The following FARP2 variants were observed in gnomAD, a reference collection of about 807,000 sequenced individuals.
FARP2 encodes the protein FERM, ARH/RhoGEF and pleckstrin domain protein 2.
Under a neutral mutation model 130.5 loss-of-function variants are expected in FARP2, and 111 were observed. The observed-to-expected ratio is 0.85, with a 90% CI of 0.73 to 1.00. The LOEUF is 1.00. FARP2 is among the 50% of genes least tolerant of loss of function. The pLI is 0.00. For synonymous variants in FARP2, 504 were observed against 516.9 expected, an observed-to-expected ratio of 0.98 and a Z score of 0.34; for missense variants, 1,385 against 1,346.3, an observed-to-expected ratio of 1.03 and a Z score of -0.45.
chr2:241,493,202 G>C (rs1318995588), intron 25 of FARP2, 91 bp from the exon 26 acceptor site: 8 of 1,445,866 alleles, frequency 5.5e-6, no homozygotes, highest in Non-Finnish European at 7.7e-6. Flanking sequence ...GTGGGCATTT[G>C]TACGTGCCAC....
At chr2:241,443,095 TA>T in intron 13 of FARP2, 1 of 253,902 alleles carries the variant, frequency 3.9e-6, no homozygotes, top group South Asian at 4.4e-5. Context: ...TCTGAGACCC[TA>T]AGGCCCCCGT....
intron 2 of FARP2, among the ~76,000 whole-genome samples, chr2:241,393,211 G>A (rs1209127546): frequency 6.6e-6 from 1 of 151,876 alleles, no homozygotes; most frequent in South Asian, 2.1e-4. Context: ...GTAGAGACAG[G>A]GTTTCACCTT....
chr2:241,415,937 T>C (rs1420330265), intron 7 of FARP2, among the ~76,000 whole-genome samples: 2 of 151,982 alleles, frequency 1.3e-5, no homozygotes, highest in African/African-American at 4.8e-5. Context: ...TGGGCACTTA[T>C]GTCGAGAAGC....
chr2:241,382,445 G>A (rs1269678063), intron 2 of FARP2, among the ~76,000 whole-genome samples: 3 of 151,776 alleles, frequency 2.0e-5, no homozygotes, highest in African/African-American at 4.8e-5. Flanking sequence ...CACCATGCCC[G>A]GCTAATTTTG....
intron 13 of FARP2, chr2:241,442,346 C>A: frequency 2.2e-6 from 1 of 456,730 alleles, no homozygotes; most frequent in Non-Finnish European, 4.4e-6. Flanking sequence ...TACCCACCCA[C>A]GACGGCCGAG....
At chr2:241,417,647 A>C (rs879059231) in intron 7 of FARP2, among the ~76,000 whole-genome samples, 2 of 152,192 alleles carry the variant, frequency 1.3e-5, no homozygotes, top group African/African-American at 4.8e-5. Flanking sequence ...TTCTGATTAA[A>C]ATTTGTCTCT....
intron 2 of FARP2, among the ~76,000 whole-genome samples, chr2:241,387,998 C>T (rs2061828296): frequency 6.6e-6 from 1 of 152,112 alleles, no homozygotes; most frequent in Non-Finnish European, 1.5e-5. Context: ...GCAATACTCT[C>T]AAACTGCTCT....
At chr2:241,452,821 G>A (rs1023688928) in intron 13 of FARP2, among the ~76,000 whole-genome samples, 5 of 151,406 alleles carry the variant, frequency 3.3e-5, no homozygotes, top group Admixed American at 1.3e-4. Flanking sequence ...GGCATGTGTA[G>A]TCCCAGCTAC....
rs1367170118 is a variant in FARP2 at position 241,463,416 on chromosome 2, T to C, written c.1759T>C (p.Tyr587His). The C allele has an allele frequency of 6.2e-7, 1 of 1,614,132 alleles. No individual in the cohort carries two copies. The highest frequency in any genetic ancestry group is 1.1e-5 in the South Asian group (1 of 91,084). ...TLLFSNIDPI[Y>H]EFHRGFLREV... ...GCTCTTCTCCAACATCGATCCCATCTATGAGTTCCACAGAGGCTTCCTGCG... is the reference window on the plus strand; with the variant it reads ...GCTCTTCTCCAACATCGATCCCATCCATGAGTTCCACAGAGGCTTCCTGCG... The change falls in exon 16 of 27, where the codon TAT becomes CAT. Residue 587 changes from tyrosine to histidine, a missense_variant. Tyr to His is a moderately conservative substitution (Grantham distance 83). Coordinates refer to ENST00000264042, the MANE Select transcript of FARP2 (RefSeq NM_014808.4).
At chr2:241,466,084 A>G in intron 17 of FARP2, 1 of 1,119,496 alleles carries the variant, frequency 8.9e-7, no homozygotes, top group Non-Finnish European at 1.1e-6. Context: ...ATTTGATATT[A>G]AAACCCTTTA....
intron 2 of FARP2, among the ~76,000 whole-genome samples, chr2:241,391,708 G>A (rs2061908918): frequency 6.6e-6 from 1 of 152,180 alleles, no homozygotes; most frequent in Admixed American, 6.5e-5. Context: ...GTCGTGCAGA[G>A]CTTCTGCTAC....
At chr2:241,464,043 G>C in intron 17 of FARP2, 63 bp downstream of exon 17, 1 of 1,379,926 alleles carries the variant, frequency 7.2e-7, no homozygotes, top group Non-Finnish European at 1.0e-6. Flanking sequence ...CCATCTTCCC[G>C]AAGCTGAGGC....
intron 1 of FARP2, among the ~76,000 whole-genome samples, chr2:241,367,146 C>T (rs1262309410): frequency 6.6e-6 from 1 of 152,096 alleles, no homozygotes; most frequent in East Asian, 1.9e-4. Context: ...CCTGAAGCGC[C>T]TGCTGGAGAA....
intron 20 of FARP2, 35 bp from the exon 21 acceptor site, chr2:241,484,207 T>C (rs1239738510): frequency 1.2e-6 from 2 of 1,613,476 alleles, no homozygotes; most frequent in South Asian, 2.2e-5. Context: ...CACTTGTTTG[T>C]GAAGTTCATG....
chr2:241,375,117 C>CT (rs1405023561), intron 2 of FARP2, among the ~76,000 whole-genome samples: 6 of 151,974 alleles, frequency 3.9e-5, no homozygotes, highest in Non-Finnish European at 8.8e-5. Flanking sequence ...CAGCTTATTT[C>CT]TTTTTTTGTG....
intron 1 of FARP2, among the ~76,000 whole-genome samples, chr2:241,368,364 A>G (rs2150292643): frequency 6.6e-6 from 1 of 152,176 alleles, no homozygotes; most frequent in South Asian, 2.1e-4. Flanking sequence ...AGGAGCAGGG[A>G]TGGGCAGAGG....
In FARP2 at chr2:241,468,349, C is replaced by T. The variant is rs138469271; in HGVS notation, c.2103C>T (p.Pro701=). The stretch of plus-strand genomic sequence containing the variant: ...GCCGCCTATGCGGACATTACAGCCC[C>T]GGGCACCATGACTACGCTGACTGCC... ...LLRRLCGHYS[P]GHHDYADCHD... is the part of the protein sequence containing the mutation. Residue 701 remains proline, a synonymous_variant, in exon 18 of 27, where the codon CCC becomes CCT. Coordinates refer to ENST00000264042, the MANE Select transcript of FARP2 (RefSeq NM_014808.4). 40 of 1,613,050 alleles carry T rather than the reference C, an allele frequency of 2.5e-5. No homozygotes were observed. In the African/African-American group the frequency reaches 3.7e-4, roughly 15 times the overall value.
At chr2:241,376,646 G>T (rs1029891518) in intron 2 of FARP2, among the ~76,000 whole-genome samples, 66 of 152,370 alleles carry the variant, frequency 4.3e-4, no homozygotes, top group African/African-American at 1.5e-3. Context: ...TCACTGTCTT[G>T]CTGTCGTTTG....
chr2:241,488,640 T>C (rs1032251487), intron 21 of FARP2: 1 of 152,160 alleles, frequency 6.6e-6, no homozygotes, highest in Non-Finnish European at 1.5e-5. Flanking sequence ...GACCTTGTGA[T>C]CCGCCCGCCT....
Sources: gnomAD v4.1 joint callset for allele counts (sites outside exome capture counted in the v4.1 genomes callset) on GRCh38, gnomAD v4.1.1 for gene constraint, MANE v1.5 for transcripts, NCBI Gene and HGNC (gene_info 2026-07-23, HGNC 2026-07-21) for gene names.